KLRG1: variants seen among roughly 807,000 people sequenced by gnomAD.
KLRG1 encodes the protein killer cell lectin-like receptor subfamily G member 1.
A neutral mutation model predicts 21.8 loss-of-function variants in KLRG1; 16 were observed. The observed-to-expected ratio is 0.73, with a 90% CI of 0.50 to 1.11. KLRG1 has a LOEUF of 1.11. Among genes scored for constraint, KLRG1 ranks in the 50% most tolerant of loss-of-function variants. KLRG1 has a pLI of 0.00. For missense variants in KLRG1, 173 were observed against 218.3 expected, an observed-to-expected ratio of 0.79 and a Z score of 1.31; for synonymous variants, 69 against 75.9, an observed-to-expected ratio of 0.91 and a Z score of 0.47.
At chr12:9,015,456 A>G (rs760453768), downstream of KLRG1, among the ~76,000 whole-genome samples, 3 of 152,320 alleles carry the variant, frequency 2.0e-5, no homozygotes, top group South Asian at 4.1e-4. Context: ...GCAAGAGGAT[A>G]TAATAATTAA....
the KLRG1 span, chr12:9,080,207 A>C: frequency 1.0e-5 from 15 of 1,429,142 alleles, no homozygotes; most frequent in East Asian, 3.7e-4. Flanking sequence ...AGACATATGA[A>C]AATTATTTCT....
chr12:9,035,618 A>G, the KLRG1 span, among the ~76,000 whole-genome samples: 2 of 151,708 alleles, frequency 1.3e-5, no homozygotes, highest in Non-Finnish European at 2.9e-5. Flanking sequence ...AGACAGAACT[A>G]CCATTCAACT....
chr12:8,973,387 A>G (rs1236717442), intron 1 of KLRG1, among the ~76,000 whole-genome samples: 1 of 152,062 alleles, frequency 6.6e-6, no homozygotes, highest in Admixed American at 6.6e-5. Context: ...GCCCTCATGA[A>G]TGGAATTCAT....
the KLRG1 span, among the ~76,000 whole-genome samples, chr12:9,140,276 A>T: frequency 6.6e-6 from 1 of 152,232 alleles, no homozygotes; most frequent in Admixed American, 6.5e-5. Flanking sequence ...GGGGGGGCCC[A>T]GGAATGGGAT....
intron 1 of KLRG1, among the ~76,000 whole-genome samples, chr12:8,982,926 G>A (rs1339120746): frequency 6.6e-6 from 1 of 152,064 alleles, no homozygotes; most frequent in Non-Finnish European, 1.5e-5. Context: ...GATTACAGGT[G>A]TGAGCCACCA....
At chr12:9,149,730 A>G in the KLRG1 span, 1 of 731,364 alleles carries the variant, frequency 1.4e-6, no homozygotes, top group East Asian at 2.7e-5. Flanking sequence ...CTTCATGTAA[A>G]TAGACAAGAA....
At chr12:8,968,545 A>G (rs1401408666) in intron 1 of KLRG1, among the ~76,000 whole-genome samples, 1 of 152,178 alleles carries the variant, frequency 6.6e-6, no homozygotes, top group East Asian at 1.9e-4. Context: ...TAACACCCCC[A>G]CCCCACGTAA....
chr12:9,035,756 A>T, the KLRG1 span, among the ~76,000 whole-genome samples: 1 of 152,218 alleles, frequency 6.6e-6, no homozygotes, highest in African/African-American at 2.4e-5. Context: ...CTAGATGCCC[A>T]TCAACAGTGG....
the KLRG1 span, among the ~76,000 whole-genome samples, chr12:9,149,766 T>A: frequency 2.0e-5 from 3 of 152,220 alleles, no homozygotes; most frequent in African/African-American, 7.2e-5. Context: ...AACATATTTA[T>A]ATTCTCTTTC....
At chr12:9,193,002 A>G in the KLRG1 span, among the ~76,000 whole-genome samples, 2 of 152,208 alleles carry the variant, frequency 1.3e-5, no homozygotes, top group African/African-American at 4.8e-5. Context: ...CCTCAGAACT[A>G]GAGGAAAAAT....
At chr12:9,048,663 T>C in the KLRG1 span, among the ~76,000 whole-genome samples, 1 of 152,170 alleles carries the variant, frequency 6.6e-6, no homozygotes, top group Non-Finnish European at 1.5e-5. Context: ...TCAACACTCA[T>C]TCTGGATAAA....
chr12:8,961,031 ATTATTATT>A (rs1946373144), intron 1 of KLRG1, among the ~76,000 whole-genome samples: 1 of 65,946 alleles, frequency 1.5e-5, no homozygotes, highest in Non-Finnish European at 4.7e-5. Context: ...GTTAGGTTTC[ATTATTATT>A]TCCATTTTAC....
upstream of KLRG1, among the ~76,000 whole-genome samples, chr12:8,986,945 T>C (rs1049150890): frequency 7.9e-5 from 12 of 152,174 alleles, no homozygotes; most frequent in Admixed American, 2.0e-4. Flanking sequence ...ATGTAAGACA[T>C]TTCCCTTTGC....
the KLRG1 span, among the ~76,000 whole-genome samples, chr12:9,142,335 T>A: frequency 6.6e-6 from 1 of 152,192 alleles, no homozygotes; most frequent in Non-Finnish European, 1.5e-5. Flanking sequence ...CAAGCAAAGA[T>A]TATTCTGTTT....
chr12:8,971,471 T>C (rs73238273), intron 1 of KLRG1, among the ~76,000 whole-genome samples: 1,582 of 152,184 alleles, frequency 0.01, 28 homozygotes, highest in African/African-American at 0.035. Flanking sequence ...TTTTTCTCTT[T>C]GTTATTTTAG....
At chr12:9,080,181 G>C in the KLRG1 span, 180 of 1,562,556 alleles carry the variant, frequency 1.2e-4, no homozygotes, top group African/African-American at 2.1e-3. Flanking sequence ...TCACCACCTA[G>C]AGAAATAAGC....
chr12:9,111,968 A>G, the KLRG1 span: 1 of 757,954 alleles, frequency 1.3e-6, no homozygotes, highest in Middle Eastern at 2.3e-4. Flanking sequence ...ACCAGCACCA[A>G]GACAGAAAGA....
the KLRG1 span, among the ~76,000 whole-genome samples, chr12:9,113,109 T>TC: frequency 1.3e-5 from 2 of 151,706 alleles, no homozygotes; most frequent in African/African-American, 2.4e-5. Flanking sequence ...CATTTTCTTT[T>TC]TTTTTTTTTC....
the KLRG1 span, among the ~76,000 whole-genome samples, chr12:9,045,237 CCA>C: frequency 6.6e-6 from 1 of 152,046 alleles, no homozygotes; most frequent in Non-Finnish European, 1.5e-5. Flanking sequence ...AGAGAGAGAA[CCA>C]CAGTTTTGCG....
Sources: allele counts gnomAD v4.1 joint callset (sites outside exome capture counted in the v4.1 genomes callset), GRCh38; gene constraint gnomAD v4.1.1; transcripts MANE v1.5; gene names NCBI Gene and HGNC (gene_info 2026-07-23, HGNC 2026-07-21).